LRMDA: variants seen among roughly 807,000 people sequenced by gnomAD.
The protein encoded by LRMDA is leucine rich melanocyte differentiation associated.
A neutral mutation model predicts 29.8 loss-of-function variants in LRMDA; 18 were observed. That is an observed-to-expected ratio of 0.60 (90% confidence interval 0.42 to 0.90). The LOEUF (loss-of-function observed/expected upper bound fraction) is 0.90. Ranked by LOEUF, LRMDA falls within the 40% of genes least tolerant of loss-of-function variation. The pLI is 0.00. For synonymous variants in LRMDA, 125 were observed against 109.4 expected, an observed-to-expected ratio of 1.14 and a Z score of -0.89; for missense variants, 273 against 273.9, an observed-to-expected ratio of 1.00 and a Z score of 0.02.
chr10:75,443,730 C>T (rs1723932094), intron 2 of LRMDA, among the ~76,000 whole-genome samples: 1 of 152,182 alleles, frequency 6.6e-6, no homozygotes. Flanking sequence ...GTTCCCTACT[C>T]TCCAATTTTT....
At chr10:76,317,242 A>T (rs898366664) in intron 5 of LRMDA, among the ~76,000 whole-genome samples, 1 of 152,178 alleles carries the variant, frequency 6.6e-6, no homozygotes, top group African/African-American at 2.4e-5. Flanking sequence ...TCATTTTTCA[A>T]ATGAGAGGAA....
intron 2 of LRMDA, among the ~76,000 whole-genome samples, chr10:75,762,030 C>T (rs1843104313): frequency 6.6e-6 from 1 of 152,052 alleles, no homozygotes; most frequent in African/African-American, 2.4e-5. Flanking sequence ...CTAGGCTGGT[C>T]TTAAACTCCT....
intron 2 of LRMDA, among the ~76,000 whole-genome samples, chr10:75,575,970 T>G (rs1840500726): frequency 6.6e-6 from 1 of 151,824 alleles, no homozygotes; most frequent in African/African-American, 2.4e-5. Context: ...ACAGGAGTTT[T>G]TTTTTTTTTT....
intron 2 of LRMDA, among the ~76,000 whole-genome samples, chr10:75,936,198 C>A (rs1007325530): frequency 1.3e-5 from 2 of 151,912 alleles, no homozygotes; most frequent in Admixed American, 1.3e-4. Context: ...TGTCTGTGGG[C>A]GTGAGAAGTG....
chr10:75,667,448 G>A (rs79532660), intron 2 of LRMDA, among the ~76,000 whole-genome samples: 1 of 152,110 alleles, frequency 6.6e-6, no homozygotes, highest in African/African-American at 2.4e-5. Flanking sequence ...ATAGGCCTGT[G>A]CCACAACACT....
intron 2 of LRMDA, among the ~76,000 whole-genome samples, chr10:75,498,338 G>T (rs560616163): frequency 6.6e-6 from 1 of 152,274 alleles, no homozygotes; most frequent in South Asian, 2.1e-4. Context: ...TGTCCATATA[G>T]ATACCCACAG....
At chr10:76,456,778 T>C (rs1043955765) in intron 6 of LRMDA, among the ~76,000 whole-genome samples, 1 of 152,180 alleles carries the variant, frequency 6.6e-6, no homozygotes, top group Non-Finnish European at 1.5e-5. Flanking sequence ...TTCCCGTTGT[T>C]AAGAGGTGTT....
intron 5 of LRMDA, among the ~76,000 whole-genome samples, chr10:76,140,060 T>C (rs1359318372): frequency 6.6e-6 from 1 of 152,058 alleles, no homozygotes; most frequent in Non-Finnish European, 1.5e-5. Context: ...AAGTTTAAGC[T>C]CTGTTCCAAT....
chr10:76,051,464 C>T (rs1482548028), intron 4 of LRMDA, among the ~76,000 whole-genome samples: 1 of 152,198 alleles, frequency 6.6e-6, no homozygotes, highest in East Asian at 1.9e-4. Flanking sequence ...CACCTCGGCT[C>T]ATTAGAGTGA....
intron 2 of LRMDA, chr10:75,647,505 C>G (rs1043455827): frequency 1.3e-5 from 2 of 152,300 alleles, no homozygotes; most frequent in African/African-American, 4.8e-5. Context: ...GAGGCATGCT[C>G]TTGAACAAAG....
intron 2 of LRMDA, among the ~76,000 whole-genome samples, chr10:75,770,683 G>A (rs1843227864): frequency 6.6e-6 from 1 of 152,164 alleles, no homozygotes; most frequent in Non-Finnish European, 1.5e-5. Flanking sequence ...GGTGGGGTGG[G>A]GCAAGAGAAT....
intron 5 of LRMDA, among the ~76,000 whole-genome samples, chr10:76,200,364 A>C (rs1851404431): frequency 6.6e-6 from 1 of 152,210 alleles, no homozygotes; most frequent in Admixed American, 6.5e-5. Flanking sequence ...CTAATTACTA[A>C]ACAATTCACA....
At chr10:75,717,167 C>T (rs992357599) in intron 2 of LRMDA, among the ~76,000 whole-genome samples, 2 of 152,126 alleles carry the variant, frequency 1.3e-5, no homozygotes, top group African/African-American at 4.8e-5. Context: ...TATTTTGGGG[C>T]AGGGGGTTGG....
intron 6 of LRMDA, among the ~76,000 whole-genome samples, chr10:76,406,603 C>T (rs1841904226): frequency 6.6e-6 from 1 of 152,274 alleles, no homozygotes; most frequent in Non-Finnish European, 1.5e-5. Flanking sequence ...TCACTTTGCT[C>T]TGCCTCTGTG....
intron 2 of LRMDA, among the ~76,000 whole-genome samples, chr10:75,538,795 C>T (rs1839982727): frequency 1.3e-5 from 2 of 152,170 alleles, no homozygotes; most frequent in Admixed American, 6.5e-5. Flanking sequence ...GATCTTCAGA[C>T]CCCCAAGGTG....
chr10:75,536,595 A>C (rs1455461329), intron 2 of LRMDA, among the ~76,000 whole-genome samples: 1 of 151,952 alleles, frequency 6.6e-6, no homozygotes, highest in Admixed American at 6.6e-5. Flanking sequence ...ATGGAGCCTC[A>C]CTCTGCTGCC....
intron 2 of LRMDA, among the ~76,000 whole-genome samples, chr10:75,483,747 A>G (rs1160814665): frequency 6.6e-6 from 1 of 152,158 alleles, no homozygotes; most frequent in South Asian, 2.1e-4. Context: ...AAGTTTTTCA[A>G]TTCTCCTGGG....
At chr10:76,101,088 C>CT (rs200523311) in intron 5 of LRMDA, among the ~76,000 whole-genome samples, 52 of 151,310 alleles carry the variant, frequency 3.4e-4, no homozygotes, top group African/African-American at 9.2e-4. Context: ...TTATCCAGCT[C>CT]TTTTTTTTTA....
intron 5 of LRMDA, among the ~76,000 whole-genome samples, chr10:76,131,488 T>G (rs12764182): frequency 0.16 from 24,774 of 152,160 alleles, 2,242 homozygotes; most frequent in Non-Finnish European, 0.21. Flanking sequence ...TACCTGCAAT[T>G]ATCACTTTAG....
Sources: gnomAD v4.1 joint callset for allele counts (sites outside exome capture counted in the v4.1 genomes callset) on GRCh38, gnomAD v4.1.1 for gene constraint, MANE v1.5 for transcripts, NCBI Gene and HGNC (gene_info 2026-07-23, HGNC 2026-07-21) for gene names.